RGS7: variants seen among roughly 807,000 people sequenced by gnomAD.
RGS7 encodes regulator of G-protein signaling 7.
A neutral mutation model predicts 81.1 loss-of-function variants in RGS7; 27 were observed. The ratio of observed to expected loss-of-function variants is 0.33; its 90% CI spans 0.25 to 0.46. The LOEUF (loss-of-function observed/expected upper bound fraction) is 0.46, where lower values mean the gene tolerates loss of function less well. Ranked by LOEUF, RGS7 falls within the 20% of genes least tolerant of loss-of-function variation. The pLI is 1.00. For missense variants in RGS7, 396 were observed against 607.4 expected (o/e 0.65, Z 3.66); for synonymous variants, 208 against 207.7 (o/e 1.00, Z -0.01).
intron 2 of RGS7, among the ~76,000 whole-genome samples, chr1:241,228,711 C>T (rs1209291489): frequency 1.3e-5 from 2 of 152,020 alleles, no homozygotes; most frequent in South Asian, 2.1e-4. Context: ...GTCTGAAGCT[C>T]TTTCCAAAAT....
At chr1:241,339,854 T>C (rs2082439199) in intron 2 of RGS7, among the ~76,000 whole-genome samples, 1 of 152,192 alleles carries the variant, frequency 6.6e-6, no homozygotes, top group Non-Finnish European at 1.5e-5. Flanking sequence ...ATCTTTATTC[T>C]GATGGCCATG....
At chr1:240,819,452 G>A (rs1029617305) in intron 10 of RGS7, among the ~76,000 whole-genome samples, 1 of 152,144 alleles carries the variant, frequency 6.6e-6, no homozygotes, top group African/African-American at 2.4e-5. Flanking sequence ...ATAGAGGTCC[G>A]ATACGAGGCC....
chr1:241,337,258 T>C (rs914427400), intron 2 of RGS7, among the ~76,000 whole-genome samples: 1 of 152,190 alleles, frequency 6.6e-6, no homozygotes, highest in African/African-American at 2.4e-5. Flanking sequence ...CTTGTCCTTG[T>C]ATCATCCTTA....
At chr1:241,267,844 G>A (rs188493670) in intron 2 of RGS7, among the ~76,000 whole-genome samples, 46 of 152,190 alleles carry the variant, frequency 3.0e-4, no homozygotes, top group Admixed American at 2.6e-3. Flanking sequence ...TATTAACTAC[G>A]AGGTTTTTGA....
intron 2 of RGS7, among the ~76,000 whole-genome samples, chr1:241,152,905 A>G (rs568360561): frequency 5.1e-4 from 77 of 152,116 alleles, no homozygotes; most frequent in Non-Finnish European, 9.1e-4. Flanking sequence ...ATTTGTTACT[A>G]CCTGTTAACC....
chr1:240,788,430 G>A (rs571432007), intron 18 of RGS7, among the ~76,000 whole-genome samples: 1 of 152,324 alleles, frequency 6.6e-6, no homozygotes, highest in East Asian at 1.9e-4. Flanking sequence ...AGAAAGTGAA[G>A]AGCATTGGTA....
chr1:240,866,293 C>T (rs1663225865), intron 9 of RGS7, among the ~76,000 whole-genome samples: 3 of 152,110 alleles, frequency 2.0e-5, no homozygotes, highest in Admixed American at 6.5e-5. Flanking sequence ...GCGTGGATCA[C>T]GAGGTCAGGA....
intron 3 of RGS7, among the ~76,000 whole-genome samples, chr1:241,097,379 A>C (rs1029851636): frequency 6.6e-6 from 1 of 152,144 alleles, no homozygotes; most frequent in Non-Finnish European, 1.5e-5. Context: ...ATGTCATTCC[A>C]CAGTAGCTCT....
chr1:241,118,148 G>A (rs2065999527), intron 2 of RGS7, among the ~76,000 whole-genome samples: 1 of 152,112 alleles, frequency 6.6e-6, no homozygotes, highest in South Asian at 2.1e-4. Flanking sequence ...CTTCTTAAAT[G>A]TTTTTACAAC....
chr1:241,312,065 G>C (rs2080567272), intron 2 of RGS7, among the ~76,000 whole-genome samples: 1 of 152,150 alleles, frequency 6.6e-6, no homozygotes, highest in African/African-American at 2.4e-5. Context: ...ATTTGATTAG[G>C]AAATTAAGAT....
chr1:241,324,333 C>A (rs376829153), intron 2 of RGS7, among the ~76,000 whole-genome samples: 2,023 of 143,892 alleles, frequency 0.014, 23 homozygotes, highest in Non-Finnish European at 0.02. Flanking sequence ...TATATAAAAG[C>A]AAAAAAAACA....
intron 7 of RGS7, among the ~76,000 whole-genome samples, chr1:240,869,381 A>G (rs143316188): frequency 1.3e-5 from 2 of 151,920 alleles, no homozygotes; most frequent in Non-Finnish European, 2.9e-5. Context: ...GATCACTGTC[A>G]GCAGAGACAA....
intron 18 of RGS7, among the ~76,000 whole-genome samples, chr1:240,783,936 G>A (rs555349204): frequency 2.6e-5 from 4 of 151,556 alleles, no homozygotes; most frequent in East Asian, 1.9e-4. Flanking sequence ...AGCACTTTGG[G>A]AGGCCGAGGT....
rs2083534311 is a variant in RGS7, at chr1:241,355,952, C to A, written c.-50-126G>T. The A allele has an allele frequency of 2.1e-5, 14 of 662,930 alleles. No individual in the cohort carries two copies. In the South Asian group the frequency reaches 2.3e-4, roughly 11 times the overall value. The allele number at this position is 662,930 out of a possible 1,614,324, so 41.1% of individuals were successfully genotyped here. On this transcript the variant is annotated intron_variant, in intron 1 of 18. Transcript: ENST00000440928. ...CTGGGGCTGGCTGGAGAAAGTGACA[C>A]AGGACATGGATTTTTTAAAAAGTGA...
intron 2 of RGS7, among the ~76,000 whole-genome samples, chr1:241,299,834 G>T (rs897727882): frequency 2.0e-5 from 3 of 146,362 alleles, no homozygotes; most frequent in African/African-American, 7.6e-5. Context: ...AAAAAAAAAA[G>T]GCTGGGCACA....
At chr1:241,135,791 A>ATT (rs200380718) in intron 2 of RGS7, among the ~76,000 whole-genome samples, 1 of 150,150 alleles carries the variant, frequency 6.7e-6, no homozygotes, top group African/African-American at 2.5e-5. Context: ...TTTTTTTATT[A>ATT]TTTTTTTTTG....
At chr1:241,107,468 C>T (rs1416781355) in intron 2 of RGS7, among the ~76,000 whole-genome samples, 1 of 152,118 alleles carries the variant, frequency 6.6e-6, no homozygotes, top group Non-Finnish European at 1.5e-5. Flanking sequence ...GTCTATTACT[C>T]CTCCTTATAA....
At chr1:240,787,877 C>A (rs919204521) in intron 18 of RGS7, among the ~76,000 whole-genome samples, 1 of 152,136 alleles carries the variant, frequency 6.6e-6, no homozygotes, top group African/African-American at 2.4e-5. Context: ...TTATTTTAAG[C>A]CCCAAATGAC....
intron 6 of RGS7, among the ~76,000 whole-genome samples, chr1:240,923,601 A>G (rs1293999458): frequency 6.6e-6 from 1 of 152,080 alleles, no homozygotes; most frequent in African/African-American, 2.4e-5. Flanking sequence ...AAAGTGAATG[A>G]CAAAGGCTTG....
Sources: gnomAD v4.1 joint callset for allele counts (sites outside exome capture counted in the v4.1 genomes callset) on GRCh38, gnomAD v4.1.1 for gene constraint, MANE v1.5 for transcripts, NCBI Gene and HGNC (gene_info 2026-07-23, HGNC 2026-07-21) for gene names.